The following PTBP3 variants were observed in gnomAD, a reference collection of about 807,000 sequenced individuals.
PTBP3 encodes the protein polypyrimidine tract-binding protein 3.
A neutral mutation model predicts 58.7 loss-of-function variants in PTBP3; 20 were observed. The ratio of observed to expected loss-of-function variants is 0.34; its 90% CI spans 0.24 to 0.50. The LOEUF is 0.50. Among genes scored for constraint, PTBP3 ranks in the 20% least tolerant of loss-of-function variants. PTBP3 has a pLI of 0.98. For synonymous variants in PTBP3, 185 were observed against 219.8 expected (o/e 0.84, Z 1.40); for missense variants, 509 against 637.2 (o/e 0.80, Z 2.17).
At chr9:112,368,201 C>T in the PTBP3 span, among the ~76,000 whole-genome samples, 1 of 152,116 alleles carries the variant, frequency 6.6e-6, no homozygotes, top group Admixed American at 6.5e-5. Context: ...GACAGAGCGT[C>T]ATTCTGTTGC....
chr9:112,357,086 T>C, the PTBP3 span, among the ~76,000 whole-genome samples: 1 of 151,902 alleles, frequency 6.6e-6, no homozygotes, highest in Non-Finnish European at 1.5e-5. Flanking sequence ...TTCACCATGT[T>C]GGTCAGGCTG....
rs541387750 is a variant in PTBP3, at chr9:112,231,964, G to A, written c.1020+135C>T. The A allele has an allele frequency of 3.3e-3, 1,013 of 305,354 alleles. 7 individuals are homozygous for A. The highest frequency in any genetic ancestry group is 0.025 in the East Asian group (417 of 16,648). 18.9% of individuals were successfully genotyped at this position (305,354 alleles called of 1,614,324 possible). ...GAAGAGAAGAGAAGAGAAGAGAAGA[G>A]AAGAGAGAAGAGAAGAGAAGAGAAG... is the stretch of plus-strand genomic sequence containing the variant. On this transcript the variant is annotated intron_variant, in intron 9 of 13. Coordinates refer to ENST00000374257, the MANE Select transcript of PTBP3 (RefSeq NM_001163788.4).
chr9:112,255,012 C>T (rs541297685), intron 5 of PTBP3, among the ~76,000 whole-genome samples: 53 of 152,270 alleles, frequency 3.5e-4, no homozygotes, highest in African/African-American at 1.3e-3. Flanking sequence ...ATGCTATATA[C>T]ATACAACTGA....
At chr9:112,280,662 C>T (rs1827816810) in intron 2 of PTBP3, among the ~76,000 whole-genome samples, 1 of 152,082 alleles carries the variant, frequency 6.6e-6, no homozygotes. Context: ...TGTATTCTGT[C>T]ACACTGATTT....
intron 1 of PTBP3, among the ~76,000 whole-genome samples, chr9:112,310,726 C>T (rs1469018167): frequency 1.3e-5 from 2 of 152,176 alleles, no homozygotes; most frequent in East Asian, 1.9e-4. Context: ...ATCAGGAGTG[C>T]CAGAGGTGAA....
At chr9:112,226,400 C>A (rs1834992217) in intron 12 of PTBP3, among the ~76,000 whole-genome samples, 1 of 152,112 alleles carries the variant, frequency 6.6e-6, no homozygotes, top group Non-Finnish European at 1.5e-5. Flanking sequence ...TCTCTATACC[C>A]TCAAGTTTTT....
rs1188682304 is a variant in PTBP3, at chr9:112,244,916, A to G, written c.802+6013T>C. Reference sequence around the variant, plus strand: ...ATTGCCAAGATAGTCTTGAAGAAGAACAAGATAAAAAAGACTTTAGCAGAG... The same window carrying G: ...ATTGCCAAGATAGTCTTGAAGAAGAGCAAGATAAAAAAGACTTTAGCAGAG... On this transcript the variant is annotated intron_variant, in intron 7 of 13. Coordinates refer to ENST00000374257, the MANE Select transcript of PTBP3 (RefSeq NM_001163788.4). Among the ~76,000 whole-genome samples the G allele has an allele frequency of 2.0e-5, 3 of 152,200 alleles. No individual in the cohort carries two copies. In the East Asian group the frequency reaches 5.8e-4, roughly 29 times the overall value.
intron 2 of PTBP3, among the ~76,000 whole-genome samples, chr9:112,280,133 C>T (rs1827791711): frequency 6.6e-6 from 1 of 152,162 alleles, no homozygotes; most frequent in African/African-American, 2.4e-5. Flanking sequence ...AATCGGCTCA[C>T]TGCAACCCCC....
At chr9:112,294,511 C>T (rs1589879724) in intron 2 of PTBP3, among the ~76,000 whole-genome samples, 1 of 152,238 alleles carries the variant, frequency 6.6e-6, no homozygotes. Flanking sequence ...GACCAAGACC[C>T]TGTTTCAAAA....
intron 2 of PTBP3, among the ~76,000 whole-genome samples, chr9:112,277,111 A>G (rs760428585): frequency 1.3e-5 from 2 of 152,194 alleles, no homozygotes; most frequent in African/African-American, 2.4e-5. Flanking sequence ...GTATCCATCC[A>G]TATCTGTGGC....
At position 112,251,090 on chromosome 9, in the gene PTBP3, T is replaced by C; in HGVS notation, c.641A>G (p.Gln214Arg). 1 of 1,580,152 alleles carries C rather than the reference T, an allele frequency of 6.3e-7. No homozygotes were observed. Among genetic ancestry groups the C allele is most frequent in the Middle Eastern group, 1.7e-4 (1 of 5,926 alleles). Reference protein sequence around the residue: ...AHYAKMALDGQNIYNACCTLR... With the variant: ...AHYAKMALDGRNIYNACCTLR... Reference sequence around the variant, plus strand: ...AGTGCAGCATGCATTATAGATATTCTGGCCATCCAGAGCCTAAAGCATGTA... The same window carrying C: ...AGTGCAGCATGCATTATAGATATTCCGGCCATCCAGAGCCTAAAGCATGTA... Residue 214 changes from glutamine to arginine, a missense_variant, in exon 7 of 14, where the codon CAG becomes CGG. Transcript: ENST00000374257.
At chr9:112,283,976 G>A (rs1378589289) in intron 2 of PTBP3, among the ~76,000 whole-genome samples, 1 of 152,240 alleles carries the variant, frequency 6.6e-6, no homozygotes, top group Non-Finnish European at 1.5e-5. Flanking sequence ...GAAGACAAGA[G>A]TTGAATTTGG....
Position 112,223,585 on chromosome 9 carries a change from T to C in PTBP3, c.*266A>G, listed in dbSNP as rs892038041. On this transcript the variant is annotated 3_prime_UTR_variant, in exon 14 of 14. Transcript: ENST00000374257. Reference sequence around the variant, plus strand: ...TAATTTAATATAGGGAATAAGATTATTGAAAAAAAATTTTTTTCCTGATTT... The same window carrying C: ...TAATTTAATATAGGGAATAAGATTACTGAAAAAAAATTTTTTTCCTGATTT... 8.8e-7 allele frequency: 1 copy of C among 1,131,110 alleles called. No homozygotes were observed. The highest frequency in any genetic ancestry group is 1.1e-6 in the Non-Finnish European group (1 of 905,042). 70.1% of individuals were successfully genotyped at this position (1,131,110 alleles called of 1,614,324 possible).
At position 112,246,618 on chromosome 9, in the gene PTBP3, G is replaced by A. The variant is rs111398877; in HGVS notation, c.802+4311C>T. ...TGAGGCAGGAGTATGGTGTGAACCC[G>A]GGAGGCGGAGCTAGCAGTGAGCCGA... On this transcript the variant is annotated intron_variant, in intron 7 of 13. Coordinates refer to ENST00000374257, the MANE Select transcript of PTBP3 (RefSeq NM_001163788.4). Among the ~76,000 whole-genome samples the A allele has an allele frequency of 1.2e-3, 179 of 151,024 alleles. 1 individual carries two copies. The highest frequency in any genetic ancestry group is 4.1e-3 in the African/African-American group (169 of 41,098).
At chr9:112,379,143 C>T in the PTBP3 span, among the ~76,000 whole-genome samples, 2 of 152,162 alleles carry the variant, frequency 1.3e-5, no homozygotes, top group African/African-American at 4.8e-5. Flanking sequence ...GAGCCGAGAT[C>T]CGCGCCACTG....
chr9:112,227,298 G>A (rs1398932245), intron 12 of PTBP3, 113 bp downstream of exon 12: 4 of 1,085,704 alleles, frequency 3.7e-6, no homozygotes, highest in African/African-American at 3.1e-5. Context: ...ATCAGAAACT[G>A]TTGACCAGGA....
intron 1 of PTBP3, among the ~76,000 whole-genome samples, chr9:112,301,574 G>A (rs147741906): frequency 2.6e-4 from 40 of 152,302 alleles, no homozygotes; most frequent in South Asian, 6.2e-4. Context: ...ATGGAAAACA[G>A]ATTAGTGGTT....
chr9:112,340,824 C>T, the PTBP3 span, among the ~76,000 whole-genome samples: 1 of 150,872 alleles, frequency 6.6e-6, no homozygotes, highest in Non-Finnish European at 1.5e-5. Flanking sequence ...TGCGGTGAGC[C>T]GAGATCGCGC....
chr9:112,252,912 A>G (rs995464365), intron 5 of PTBP3, 124 bp from the exon 6 acceptor site: 10 of 629,848 alleles, frequency 1.6e-5, no homozygotes, highest in Non-Finnish European at 2.4e-5. Flanking sequence ...TTTGGTACCA[A>G]AATGACTTAA....
Sources: allele counts gnomAD v4.1 joint callset (sites outside exome capture counted in the v4.1 genomes callset), GRCh38; gene constraint gnomAD v4.1.1; transcripts MANE v1.5; gene names NCBI Gene and HGNC (gene_info 2026-07-23, HGNC 2026-07-21).